HIPK2: variants seen among roughly 807,000 people sequenced by gnomAD.
The protein encoded by HIPK2 is homeodomain-interacting protein kinase 2.
HIPK2 carries 27 observed loss-of-function variants against 113.7 expected under a neutral mutation model. The observed-to-expected ratio is 0.24, with a 90% CI of 0.17 to 0.33. HIPK2 has a LOEUF of 0.33. HIPK2 is among the 10% of genes least tolerant of loss of function. The probability of loss-of-function intolerance (pLI) is 1.00; values close to 1 mark genes in which losing one functional copy is unlikely to be tolerated. For missense variants in HIPK2, 1,257 were observed against 1,588.0 expected (o/e 0.79, Z 3.54); for synonymous variants, 631 against 642.2 (o/e 0.98, Z 0.26).
chr7:139,583,871 G>A lies in HIPK2; in HGVS notation c.2911C>T (p.Pro971Ser). The A allele has an allele frequency of 6.2e-7, 1 of 1,613,396 alleles. No homozygotes were observed. Among genetic ancestry groups the A allele is most frequent in the Non-Finnish European group, 8.5e-7 (1 of 1,179,682 alleles). Residue 971 changes from proline to serine, a missense_variant, in exon 13 of 15, where the codon CCC (proline) becomes TCC (serine). Transcript: ENST00000406875. ...ACTTCGCTGGCCTGGGTTTTCAGGG[G>A]TGGCACGATGATGGTTCGGGGGTTC... ...TGNPRTIIVP[P>S]LKTQASEVLV... is the part of the protein sequence containing the mutation.
intron 12 of HIPK2, among the ~76,000 whole-genome samples, chr7:139,594,560 T>A (rs1298587522): frequency 6.6e-6 from 1 of 152,208 alleles, no homozygotes; most frequent in African/African-American, 2.4e-5. Context: ...TTTATCCTAC[T>A]CAGACTCAAA....
intron 2 of HIPK2, among the ~76,000 whole-genome samples, chr7:139,659,374 T>G (rs1319585397): frequency 6.6e-6 from 1 of 152,256 alleles, no homozygotes; most frequent in Non-Finnish European, 1.5e-5. Flanking sequence ...CGATTCTTTC[T>G]GCACCCTTCA....
At chr7:139,615,947 T>C (rs1309877243) in intron 7 of HIPK2, among the ~76,000 whole-genome samples, 1 of 144,578 alleles carries the variant, frequency 6.9e-6, no homozygotes, top group Non-Finnish European at 1.6e-5. Context: ...TGGGCATCAG[T>C]GTCTGTGTTT....
At chr7:139,700,195 C>G (rs1321269228) in intron 2 of HIPK2, among the ~76,000 whole-genome samples, 8 of 152,080 alleles carry the variant, frequency 5.3e-5, no homozygotes, top group Admixed American at 3.3e-4. Flanking sequence ...GAGGCCAGGC[C>G]TTTCTAGAGG....
intron 2 of HIPK2, among the ~76,000 whole-genome samples, chr7:139,681,478 T>C (rs1416674811): frequency 2.6e-5 from 4 of 152,198 alleles, no homozygotes; most frequent in Non-Finnish European, 4.4e-5. Flanking sequence ...AAAGGCTTCT[T>C]CCGGAACCCC....
At position 139,570,710 on chromosome 7, in the gene HIPK2, G is replaced by A. The variant is rs1260033345; in HGVS notation, c.*2217C>T. 2.0e-5 allele frequency: 3 copies of A among 152,450 alleles called. No homozygotes were observed. Among genetic ancestry groups the A allele is most frequent in the Non-Finnish European group, 4.4e-5 (3 of 68,028 alleles). The allele number at this position is 152,450 out of a possible 1,614,324, so 9.4% of individuals were successfully genotyped here. On this transcript the variant is annotated 3_prime_UTR_variant, in exon 15 of 15. Coordinates refer to ENST00000406875, the MANE Select transcript of HIPK2 (RefSeq NM_022740.5). ...CACCTTTCACAGTAGATCCTTGAGGGAGACTGCACAGTGAGGAAGTAAAGG... is the reference window on the plus strand; with the variant it reads ...CACCTTTCACAGTAGATCCTTGAGGAAGACTGCACAGTGAGGAAGTAAAGG...
intron 5 of HIPK2, among the ~76,000 whole-genome samples, chr7:139,628,251 G>C (rs1800496982): frequency 6.6e-6 from 1 of 152,152 alleles, no homozygotes; most frequent in South Asian, 2.1e-4. Flanking sequence ...CCAGAACTGT[G>C]GGGGAATGAA....
At chr7:139,727,065 C>T (rs73471795) in intron 1 of HIPK2, among the ~76,000 whole-genome samples, 2,059 of 152,134 alleles carry the variant, frequency 0.014, 48 homozygotes, top group African/African-American at 0.046. Context: ...GAGATGTGGA[C>T]CTGAAGGCTG....
In HIPK2 at chr7:139,716,330, G is replaced by A. The variant is rs751548554; in HGVS notation, c.705C>T (p.Ser235=). 3 of 1,614,202 alleles carry A rather than the reference G, an allele frequency of 1.9e-6. No individual in the cohort carries two copies. The highest frequency in any genetic ancestry group is 4.5e-5 in the East Asian group (2 of 44,880). ...CTTCAATCTGACCTTGTCGGGCATAGGATGGGTGGTTCTTCAGGATCTTGA... is the reference window on the plus strand; with the variant it reads ...CTTCAATCTGACCTTGTCGGGCATAAGATGGGTGGTTCTTCAGGATCTTGA... ...VAIKILKNHP[S]YARQGQIEVS... Residue 235 remains serine, a synonymous_variant, in exon 2 of 15, where the codon TCC becomes TCT. Transcript: ENST00000406875. This position sits in a 1 kb window ranked among gnomAD's most constrained non-coding sequence, Gnocchi z 9.3.
chr7:139,748,034 T>A (rs886753427), intron 1 of HIPK2, among the ~76,000 whole-genome samples: 2 of 152,112 alleles, frequency 1.3e-5, no homozygotes, highest in African/African-American at 4.8e-5. Context: ...TGGCCAATTT[T>A]TTTTTTTAAC....
At chr7:139,592,420 A>G (rs117280991) in intron 12 of HIPK2, among the ~76,000 whole-genome samples, 220 of 152,260 alleles carry the variant, frequency 1.4e-3, no homozygotes, top group South Asian at 2.7e-3. Context: ...GTTGATGTGA[A>G]CCACTTTGGT....
Position 139,636,262 on chromosome 7 carries a change from C to T in HIPK2, c.1104-4537G>A, listed in dbSNP as rs565737907. On this transcript the variant is annotated intron_variant, in intron 2 of 14. Transcript: ENST00000406875. Reference sequence around the variant, plus strand: ...TCCCGCCTCTCTGCTTGTGGCTTGCCCATTTCCTTTGTAGGCTCGCCCTCT... The same window carrying T: ...TCCCGCCTCTCTGCTTGTGGCTTGCTCATTTCCTTTGTAGGCTCGCCCTCT... Among the ~76,000 whole-genome samples the T allele has an allele frequency of 8.1e-3, 1,235 of 151,856 alleles. 13 individuals are homozygous for T. Among genetic ancestry groups the T allele is most frequent in the Middle Eastern group, 0.017 (5 of 294 alleles).
At chr7:139,681,918 C>T (rs1314481981) in intron 2 of HIPK2, among the ~76,000 whole-genome samples, 1 of 152,192 alleles carries the variant, frequency 6.6e-6, no homozygotes, top group African/African-American at 2.4e-5. Context: ...GCTGGAGGTG[C>T]TCAAACCACC....
At position 139,614,295 on chromosome 7, in the gene HIPK2, C is replaced by CG; in HGVS notation, c.1980dup (p.Gly661ArgfsTer11). On this transcript the variant is annotated frameshift_variant, in exon 8 of 15. Coordinates refer to ENST00000406875, the MANE Select transcript of HIPK2 (RefSeq NM_022740.5). LOFTEE classifies it high-confidence loss of function. The stretch of plus-strand genomic sequence containing the variant: ...GGCTGCTCAATCTTACCTTGGAAGC[C>CG]GGGGGGACACACGATGAGAGCTTGC... 6.6e-7 allele frequency: 1 copy of CG among 1,506,700 alleles called. No individual in the cohort carries two copies. The highest frequency in any genetic ancestry group is 9.0e-7 in the Non-Finnish European group (1 of 1,113,740). The allele number at this position is 1,506,700 out of a possible 1,614,324, so 93.3% of individuals were successfully genotyped here. A position where few individuals can be genotyped will look rare whatever the true frequency, so the allele number is the denominator to read the frequency against.
intron 1 of HIPK2, 27 bp downstream of exon 1, chr7:139,777,578 G>C: frequency 9.8e-7 from 1 of 1,019,322 alleles, no homozygotes; most frequent in Non-Finnish European, 1.2e-6. Flanking sequence ...GGCGGGCGCG[G>C]GGTCGGCGGG....
intron 2 of HIPK2, among the ~76,000 whole-genome samples, chr7:139,658,624 A>G (rs1801756718): frequency 6.6e-6 from 1 of 152,212 alleles, no homozygotes; most frequent in African/African-American, 2.4e-5. Flanking sequence ...AGTCTTTGAC[A>G]ATATACAACC....
At chr7:139,751,586 GGATA>G (rs1408892737) in intron 1 of HIPK2, among the ~76,000 whole-genome samples, 14 of 141,232 alleles carry the variant, frequency 9.9e-5, no homozygotes, top group East Asian at 4.0e-4. Flanking sequence ...ATGGTTGGAT[GGATA>G]GATGGATGGA....
rs754495063 is a variant in HIPK2, at chr7:139,626,779, T to C, written c.1441A>G (p.Met481Val). The part of the protein sequence containing the change: ...NCLDDMAQVN[M>V]TTDLEGSDML... ...TCGCTCCCTTCCAAATCTGTCGTCA[T>C]GTTCACCTGGACGCAAGTAAGGACA... The change falls in exon 6 of 15, where the codon ATG becomes GTG. Residue 481 changes from methionine to valine, a missense_variant. Met to Val is a conservative substitution (Grantham distance 21). Transcript: ENST00000406875. The C allele has an allele frequency of 6.2e-6, 10 of 1,613,914 alleles. No individual in the cohort carries two copies. Among genetic ancestry groups the C allele is most frequent in the Non-Finnish European group, 8.5e-6 (10 of 1,179,884 alleles).
chr7:139,636,261 C>T (rs1288640650), intron 2 of HIPK2, among the ~76,000 whole-genome samples: 1 of 151,782 alleles, frequency 6.6e-6, no homozygotes, highest in Admixed American at 6.6e-5. Context: ...TTGTGGCTTG[C>T]CCATTTCCTT....
Sources: allele counts gnomAD v4.1 joint callset (sites outside exome capture counted in the v4.1 genomes callset), GRCh38; gene constraint gnomAD v4.1.1; non-coding constraint Gnocchi (gnomAD v3.1); transcripts MANE v1.5; gene names NCBI Gene and HGNC (gene_info 2026-07-23, HGNC 2026-07-21).